The following B3GLCT variants were observed in gnomAD, a reference collection of about 807,000 sequenced individuals.
B3GLCT encodes the protein beta 3-glucosyltransferase.
B3GLCT carries 65 observed loss-of-function variants against 63.4 expected under a neutral mutation model. That is an observed-to-expected ratio of 1.03 (90% CI 0.84 to 1.26). The LOEUF (loss-of-function observed/expected upper bound fraction) is 1.26, where lower values mean the gene tolerates loss of function less well. B3GLCT is among the 50% of genes most tolerant of loss of function. The probability of loss-of-function intolerance (pLI) is 0.00; values close to 1 mark genes in which losing one functional copy is unlikely to be tolerated. For missense variants in B3GLCT, 577 were observed against 604.8 expected (o/e 0.95, Z 0.48); for synonymous variants, 233 against 219.2 (o/e 1.06, Z -0.55).
At chr13:31,311,998 T>C (rs1593314304) in intron 12 of B3GLCT, among the ~76,000 whole-genome samples, 1 of 152,168 alleles carries the variant, frequency 6.6e-6, no homozygotes, top group African/African-American at 2.4e-5. Context: ...GAGAGAGACA[T>C]TGACAAAAAG....
intron 4 of B3GLCT, among the ~76,000 whole-genome samples, chr13:31,238,404 G>C (rs1319893091): frequency 6.6e-6 from 1 of 152,138 alleles, no homozygotes; most frequent in Non-Finnish European, 1.5e-5. Flanking sequence ...CTCCAGTTTT[G>C]AAGCTTATCA....
intron 10 of B3GLCT, among the ~76,000 whole-genome samples, chr13:31,280,030 T>A (rs1397670477): frequency 6.6e-6 from 1 of 152,196 alleles, no homozygotes; most frequent in Non-Finnish European, 1.5e-5. Context: ...ATCGCTGTTA[T>A]CCTGTTCTTT....
chr13:31,279,328 T>C (rs1872946224), intron 10 of B3GLCT, among the ~76,000 whole-genome samples: 1 of 152,010 alleles, frequency 6.6e-6, no homozygotes, highest in Non-Finnish European at 1.5e-5. Flanking sequence ...ACTCTATTAG[T>C]GGGGGAAACC....
chr13:31,315,813 C>A (rs928176587), intron 12 of B3GLCT, among the ~76,000 whole-genome samples: 1 of 152,344 alleles, frequency 6.6e-6, no homozygotes, highest in East Asian at 1.9e-4. Flanking sequence ...AAAGTGGTTT[C>A]GTGGGCCTGG....
At chr13:31,267,698 T>C (rs1872394300) in intron 7 of B3GLCT, among the ~76,000 whole-genome samples, 2 of 152,214 alleles carry the variant, frequency 1.3e-5, no homozygotes, top group South Asian at 4.1e-4. Context: ...GAAGCACATT[T>C]ATCCTGTGTC....
Position 31,329,756 on chromosome 13 carries a change from G to A in B3GLCT, c.*88G>A. 4 of 1,449,586 alleles carry A rather than the reference G, an allele frequency of 2.8e-6. No homozygotes were observed. Among genetic ancestry groups the A allele is most frequent in the Non-Finnish European group, 3.8e-6 (4 of 1,040,232 alleles). The allele number at this position is 1,449,586 out of a possible 1,614,324, so 89.8% of individuals were successfully genotyped here. A position where few individuals can be genotyped will look rare whatever the true frequency, so the allele number is the denominator to read the frequency against. Reference sequence around the variant, plus strand: ...ACTGTGCTGTGCTCACAACACTTGTGTCTGCCACATGGCATTGGGTGCTTC... The same window carrying A: ...ACTGTGCTGTGCTCACAACACTTGTATCTGCCACATGGCATTGGGTGCTTC... On this transcript the variant is annotated 3_prime_UTR_variant, in exon 15 of 15. Coordinates refer to ENST00000343307, the MANE Select transcript of B3GLCT (RefSeq NM_194318.4).
chr13:31,256,168 A>G (rs1336947953), intron 6 of B3GLCT, among the ~76,000 whole-genome samples: 1 of 152,216 alleles, frequency 6.6e-6, no homozygotes, highest in Non-Finnish European at 1.5e-5. Context: ...GCAGCCAAAA[A>G]CATATGAAAA....
chr13:31,281,926 GAC>G, intron 10 of B3GLCT, among the ~76,000 whole-genome samples: 1 of 152,294 alleles, frequency 6.6e-6, no homozygotes, highest in Non-Finnish European at 1.5e-5. Context: ...CTCATAGTGA[GAC>G]ACATCTTCTG....
chr13:31,205,344 G>T (rs1240062041), intron 1 of B3GLCT, among the ~76,000 whole-genome samples: 2 of 151,606 alleles, frequency 1.3e-5, no homozygotes, highest in African/African-American at 4.9e-5. Flanking sequence ...ATCATTTGAG[G>T]TCAGGAGTTC....
chr13:31,234,272 G>A (rs754225765), intron 4 of B3GLCT, among the ~76,000 whole-genome samples: 15 of 151,850 alleles, frequency 9.9e-5, no homozygotes, highest in Non-Finnish European at 1.5e-4. Flanking sequence ...TTCCTGCCTC[G>A]GCCTCCCAAA....
At chr13:31,293,650 T>C (rs1349372710) in intron 12 of B3GLCT, among the ~76,000 whole-genome samples, 1 of 152,206 alleles carries the variant, frequency 6.6e-6, no homozygotes, top group Non-Finnish European at 1.5e-5. Flanking sequence ...TTGCTTTCCA[T>C]TTTCTTGATA....
At chr13:31,238,251 C>T in intron 4 of B3GLCT, among the ~76,000 whole-genome samples, 1 of 152,224 alleles carries the variant, frequency 6.6e-6, no homozygotes, top group East Asian at 1.9e-4. Context: ...CATTTTTCAT[C>T]ATTACAGCAT....
chr13:31,313,204 A>G (rs1874813411), intron 12 of B3GLCT, among the ~76,000 whole-genome samples: 1 of 152,218 alleles, frequency 6.6e-6, no homozygotes, highest in Non-Finnish European at 1.5e-5. Flanking sequence ...GTTCTTACCC[A>G]TCCCTCCCAC....
At chr13:31,277,919 TTAAAA>T (rs1343004892) in intron 10 of B3GLCT, among the ~76,000 whole-genome samples, 1 of 152,198 alleles carries the variant, frequency 6.6e-6, no homozygotes, top group African/African-American at 2.4e-5. Flanking sequence ...AGTATAGCAG[TTAAAA>T]TAAAATTTTT....
At chr13:31,301,002 A>G (rs1874196518) in intron 12 of B3GLCT, among the ~76,000 whole-genome samples, 1 of 152,204 alleles carries the variant, frequency 6.6e-6, no homozygotes, top group South Asian at 2.1e-4. Context: ...AGCTTGACCT[A>G]CGCCCAGGAA....
At position 31,281,611 on chromosome 13, in the gene B3GLCT, C is replaced by CT. The variant is rs141297018; in HGVS notation, c.851-3033dup. On this transcript the variant is annotated intron_variant, in intron 10 of 14. Transcript: ENST00000343307. ...TGTGTTAGGGCATCCAGGAGGGATA[C>CT]TTTTCAGGCTTAGGTACACCTCAGT... Among the ~76,000 whole-genome samples the CT allele has an allele frequency of 1.7e-3, 255 of 152,226 alleles. 1 individual carries two copies. Among genetic ancestry groups the CT allele is most frequent in the Middle Eastern group, 6.8e-3 (2 of 294 alleles).
chr13:31,241,621 C>A (rs1041338303), intron 4 of B3GLCT, among the ~76,000 whole-genome samples: 7 of 152,166 alleles, frequency 4.6e-5, no homozygotes, highest in African/African-American at 1.7e-4. Flanking sequence ...ACAAACATGG[C>A]CCCCTGAGAA....
chr13:31,227,252 A>G (rs1198042270), intron 3 of B3GLCT, among the ~76,000 whole-genome samples: 2 of 152,174 alleles, frequency 1.3e-5, no homozygotes, highest in Non-Finnish European at 2.9e-5. Context: ...CCTTGTGCAC[A>G]CATCTGAGTT....
intron 1 of B3GLCT, among the ~76,000 whole-genome samples, chr13:31,205,852 C>T (rs1011861421): frequency 1.3e-5 from 2 of 151,846 alleles, no homozygotes; most frequent in Admixed American, 1.3e-4. Flanking sequence ...AGGGTTTAGA[C>T]AAAACAAAAA....
Sources: gnomAD v4.1 joint callset for allele counts (sites outside exome capture counted in the v4.1 genomes callset) on GRCh38, gnomAD v4.1.1 for gene constraint, MANE v1.5 for transcripts, NCBI Gene and HGNC (gene_info 2026-07-23, HGNC 2026-07-21) for gene names.